The following OPCML variants were observed in gnomAD, a reference collection of about 807,000 sequenced individuals.
OPCML encodes opioid-binding protein/cell adhesion molecule.
A neutral mutation model predicts 37.8 loss-of-function variants in OPCML; 13 were observed. The observed-to-expected ratio is 0.34, with a 90% CI of 0.22 to 0.55. OPCML has a LOEUF of 0.55. Among genes scored for constraint, OPCML ranks in the 20% least tolerant of loss-of-function variants. The probability of loss-of-function intolerance (pLI) is 0.91; values close to 1 mark genes in which losing one functional copy is unlikely to be tolerated. For missense variants in OPCML, 341 were observed against 435.6 expected (o/e 0.78, Z 1.93); for synonymous variants, 176 against 168.8 (o/e 1.04, Z -0.33).
intron 2 of OPCML, among the ~76,000 whole-genome samples, chr11:132,922,570 C>G (rs1944844039): frequency 1.3e-5 from 2 of 152,120 alleles, no homozygotes; most frequent in African/African-American, 2.4e-5. Context: ...ACTCCTGCTT[C>G]CCTTCCTTTC....
At chr11:133,495,197 T>C (rs1487385588) in intron 1 of OPCML, among the ~76,000 whole-genome samples, 1 of 152,220 alleles carries the variant, frequency 6.6e-6, no homozygotes, top group Non-Finnish European at 1.5e-5. Flanking sequence ...AGAATAATAG[T>C]CTCCAGTCTC....
At chr11:133,054,936 C>G (rs1487998925) in intron 1 of OPCML, among the ~76,000 whole-genome samples, 1 of 150,276 alleles carries the variant, frequency 6.7e-6, no homozygotes, top group Non-Finnish European at 1.5e-5. Context: ...ATGCTGCCTC[C>G]ATGATACTTC....
intron 1 of OPCML, among the ~76,000 whole-genome samples, chr11:133,526,248 TG>T (rs1375499282): frequency 1.3e-5 from 2 of 152,166 alleles, no homozygotes; most frequent in Non-Finnish European, 2.9e-5. Context: ...ACAGGCAGCC[TG>T]TGGGCCTCCT....
At chr11:132,761,746 T>C in intron 2 of OPCML, among the ~76,000 whole-genome samples, 1 of 152,242 alleles carries the variant, frequency 6.6e-6, no homozygotes, top group South Asian at 2.1e-4. Context: ...TTGCATTGGG[T>C]TAGAACATGC....
At chr11:133,030,895 T>TTC (rs562579941) in intron 1 of OPCML, among the ~76,000 whole-genome samples, 5 of 151,920 alleles carry the variant, frequency 3.3e-5, no homozygotes, top group Admixed American at 1.3e-4. Context: ...CTTTTTTTTT[T>TTC]CCAAAGAAGG....
chr11:132,518,775 C>CGG (rs2096285786), intron 4 of OPCML, among the ~76,000 whole-genome samples: 1 of 152,162 alleles, frequency 6.6e-6, no homozygotes, highest in Non-Finnish European at 1.5e-5. Context: ...CCCACTAGAC[C>CGG]ATAGGCTCCA....
rs936758004 is a variant in OPCML, at chr11:133,412,664, C to T, written c.61+119600G>A. On this transcript the variant is annotated intron_variant, in intron 1 of 7. Coordinates refer to ENST00000524381, the MANE Select transcript of OPCML (RefSeq NM_001012393.5). ...TATGCCCCTATCCTCTCTTCATACA[C>T]GCCAATAAACTTTTCCACTGTAGTC... is the stretch of plus-strand genomic sequence containing the variant. Among the ~76,000 whole-genome samples, 50 of 152,288 alleles carry T rather than the reference C, an allele frequency of 3.3e-4. 1 individual carries two copies. The highest frequency in any genetic ancestry group is 1.1e-3 in the African/African-American group (46 of 41,538).
At chr11:133,104,604 A>G (rs1342565613) in intron 1 of OPCML, among the ~76,000 whole-genome samples, 1 of 152,218 alleles carries the variant, frequency 6.6e-6, no homozygotes, top group East Asian at 1.9e-4. Flanking sequence ...TAAGATGGAA[A>G]AACATTGAAA....
At chr11:132,619,490 A>C (rs1349724202) in intron 3 of OPCML, among the ~76,000 whole-genome samples, 2 of 152,116 alleles carry the variant, frequency 1.3e-5, no homozygotes, top group African/African-American at 4.8e-5. Flanking sequence ...AAAGGTTGAA[A>C]TCAGAGTTAC....
At chr11:132,774,922 G>A (rs1946763683) in intron 2 of OPCML, among the ~76,000 whole-genome samples, 1 of 152,182 alleles carries the variant, frequency 6.6e-6, no homozygotes, top group African/African-American at 2.4e-5. Flanking sequence ...ACTTTGGAGG[G>A]TGAGAGCCAT....
Position 132,618,025 on chromosome 11 carries a change from T to C in OPCML, c.379+39062A>G, listed in dbSNP as rs373591919. On this transcript the variant is annotated intron_variant, in intron 3 of 7. Transcript: ENST00000524381. ...GTGTTACAGTGGCTTAATACAACTC[T>C]ACTGCTTGTTCCTATATTCCAGTTG... Among the ~76,000 whole-genome samples the C allele has an allele frequency of 3.3e-5, 5 of 152,186 alleles. No individual in the cohort carries two copies. The South Asian group carries it at 1.0e-3, about 32-fold the overall frequency.
At chr11:133,031,226 C>T (rs1170178308) in intron 1 of OPCML, among the ~76,000 whole-genome samples, 1 of 150,818 alleles carries the variant, frequency 6.6e-6, no homozygotes, top group East Asian at 2.0e-4. Flanking sequence ...CAGATGGATG[C>T]ATTGATGGGT....
At chr11:133,388,487 T>C (rs1945103733) in intron 1 of OPCML, among the ~76,000 whole-genome samples, 2 of 152,096 alleles carry the variant, frequency 1.3e-5, no homozygotes, top group African/African-American at 2.4e-5. Context: ...ATGGGGACAA[T>C]TGGGTGACCA....
At chr11:132,515,151 T>C (rs1272110842) in intron 4 of OPCML, among the ~76,000 whole-genome samples, 1 of 152,154 alleles carries the variant, frequency 6.6e-6, no homozygotes, top group Non-Finnish European at 1.5e-5. Context: ...ATGACTTTAC[T>C]AAATCTTTCT....
intron 1 of OPCML, among the ~76,000 whole-genome samples, chr11:133,081,227 C>T (rs1948711689): frequency 6.6e-6 from 1 of 152,104 alleles, no homozygotes; most frequent in Non-Finnish European, 1.5e-5. Context: ...GTGCTTCCAT[C>T]TGGAGGGTTA....
chr11:133,017,968 C>A (rs1001984288), intron 1 of OPCML, among the ~76,000 whole-genome samples: 1 of 152,146 alleles, frequency 6.6e-6, no homozygotes, highest in Non-Finnish European at 1.5e-5. Flanking sequence ...GCATTTTTTT[C>A]TGAAGACCCT....
intron 2 of OPCML, among the ~76,000 whole-genome samples, chr11:132,821,682 G>T (rs1214795381): frequency 6.6e-6 from 1 of 152,188 alleles, no homozygotes; most frequent in African/African-American, 2.4e-5. Flanking sequence ...CAAGGCTGTT[G>T]TGCTGACTTC....
intron 3 of OPCML, among the ~76,000 whole-genome samples, chr11:132,557,340 G>C (rs948756017): frequency 6.6e-6 from 1 of 152,188 alleles, no homozygotes; most frequent in African/African-American, 2.4e-5. Flanking sequence ...ATAAGTGAAA[G>C]AGGTATTTCT....
chr11:132,701,432 A>T (rs565897601), intron 2 of OPCML, among the ~76,000 whole-genome samples: 1 of 152,278 alleles, frequency 6.6e-6, no homozygotes, highest in African/African-American at 2.4e-5. Context: ...TTTTACTTAA[A>T]GTCTATTTCT....
Sources: allele counts gnomAD v4.1 joint callset (sites outside exome capture counted in the v4.1 genomes callset), GRCh38; gene constraint gnomAD v4.1.1; transcripts MANE v1.5; gene names NCBI Gene and HGNC (gene_info 2026-07-23, HGNC 2026-07-21).